The following MSI2 variants were observed in gnomAD, a reference collection of about 807,000 sequenced individuals.
The protein encoded by MSI2 is RNA-binding protein Musashi homolog 2.
In MSI2, 17 loss-of-function variants were observed where a neutral mutation model predicts 45.6. The observed-to-expected ratio is 0.37, with a 90% CI of 0.26 to 0.56. The LOEUF (loss-of-function observed/expected upper bound fraction) is 0.56, where lower values mean the gene tolerates loss of function less well. MSI2 is among the 20% of genes least tolerant of loss of function. The pLI is 0.77. For synonymous variants in MSI2, 156 were observed against 158.2 expected, an observed-to-expected ratio of 0.99 and a Z score of 0.11; for missense variants, 293 against 444.2, an observed-to-expected ratio of 0.66 and a Z score of 3.06.
intron 5 of MSI2, among the ~76,000 whole-genome samples, chr17:57,387,075 T>G (rs762969222): frequency 1.2e-4 from 19 of 152,210 alleles, no homozygotes; most frequent in Non-Finnish European, 2.6e-4. Context: ...ATGTTCCGGC[T>G]GACAGCTACA....
chr17:57,420,571 A>G (rs778967290), intron 6 of MSI2, among the ~76,000 whole-genome samples: 19 of 152,138 alleles, frequency 1.2e-4, no homozygotes, highest in South Asian at 6.2e-4. Context: ...GTACTTTCCC[A>G]GCCTGAATTA....
At chr17:57,575,526 G>C (rs1472683811) in intron 7 of MSI2, among the ~76,000 whole-genome samples, 1 of 152,138 alleles carries the variant, frequency 6.6e-6, no homozygotes, top group African/African-American at 2.4e-5. Context: ...GCTTTGTTTG[G>C]CCAGGCCTGA....
At chr17:57,302,672 T>C (rs1314243767) in intron 5 of MSI2, among the ~76,000 whole-genome samples, 12 of 152,058 alleles carry the variant, frequency 7.9e-5, no homozygotes. Flanking sequence ...ATTTTGGGAG[T>C]GTCTATTAGC....
chr17:57,256,538 G>C lies in MSI2; in HGVS notation c.-205G>C. The C allele has an allele frequency of 3.1e-6, 1 of 325,814 alleles. No individual in the cohort carries two copies. The highest frequency in any genetic ancestry group is 5.5e-6 in the Non-Finnish European group (1 of 181,546). The allele number at this position is 325,814 out of a possible 1,614,324, so 20.2% of individuals were successfully genotyped here. ...ACGGGGGGGTGTGCGAGGCAGCGGG[G>C]CTGAGCTAAGCCGAGCCCACGTGTG... On this transcript the variant is annotated 5_prime_UTR_variant, in exon 1 of 14. Coordinates refer to ENST00000284073, the MANE Select transcript of MSI2 (RefSeq NM_138962.4).
intron 6 of MSI2, among the ~76,000 whole-genome samples, chr17:57,419,069 C>A (rs754917305): frequency 1.3e-5 from 2 of 152,046 alleles, no homozygotes; most frequent in Non-Finnish European, 2.9e-5. Flanking sequence ...ACAAATTAGT[C>A]CAAGGCAGGT....
At chr17:57,566,983 C>T (rs952209581) in intron 7 of MSI2, among the ~76,000 whole-genome samples, 1 of 152,172 alleles carries the variant, frequency 6.6e-6, no homozygotes, top group Admixed American at 6.5e-5. Context: ...ATGAGTCTTC[C>T]TATCCGTGCC....
At chr17:57,595,983 C>T (rs1905213619) in intron 7 of MSI2, among the ~76,000 whole-genome samples, 1 of 152,240 alleles carries the variant, frequency 6.6e-6, no homozygotes, top group Admixed American at 6.5e-5. Flanking sequence ...GCCTGTGCTC[C>T]CTCGCCATGT....
intron 10 of MSI2, chr17:57,628,036 T>G (rs1164639461): frequency 3.3e-5 from 5 of 152,464 alleles, no homozygotes; most frequent in African/African-American, 1.2e-4. Flanking sequence ...GGAAGCGATG[T>G]TTTACAGGGT....
At chr17:57,585,832 CTG>C (rs2144392791) in intron 7 of MSI2, among the ~76,000 whole-genome samples, 1 of 152,374 alleles carries the variant, frequency 6.6e-6, no homozygotes, top group African/African-American at 2.4e-5. Context: ...GCCCCGGGCT[CTG>C]TGGTTTCCAG....
intron 5 of MSI2, among the ~76,000 whole-genome samples, chr17:57,305,797 C>T (rs1911831505): frequency 6.6e-6 from 1 of 152,098 alleles, no homozygotes; most frequent in Non-Finnish European, 1.5e-5. Flanking sequence ...TCCCTTTATC[C>T]TTTTCTTCCG....
At chr17:57,286,166 T>A (rs1415279710) in intron 5 of MSI2, among the ~76,000 whole-genome samples, 1 of 152,158 alleles carries the variant, frequency 6.6e-6, no homozygotes, top group Non-Finnish European at 1.5e-5. Flanking sequence ...AATTTTCATG[T>A]GGGGCGACAG....
chr17:57,618,344 T>G (rs1222846425), intron 9 of MSI2: 2 of 152,080 alleles, frequency 1.3e-5, no homozygotes, highest in African/African-American at 4.8e-5. Context: ...ATCGTGCCTG[T>G]GAGTACCCAC....
At chr17:57,446,600 CA>C (rs1412690136) in intron 6 of MSI2, among the ~76,000 whole-genome samples, 1 of 152,126 alleles carries the variant, frequency 6.6e-6, no homozygotes, top group African/African-American at 2.4e-5. Flanking sequence ...TGAGGGACAC[CA>C]GTTGGAGAAA....
chr17:57,361,098 T>C (rs1916779979), intron 5 of MSI2, among the ~76,000 whole-genome samples: 1 of 152,182 alleles, frequency 6.6e-6, no homozygotes, highest in African/African-American at 2.4e-5. Flanking sequence ...GCACAGTTAA[T>C]ATGTTGTTGA....
intron 6 of MSI2, among the ~76,000 whole-genome samples, chr17:57,446,366 A>T (rs185619532): frequency 1.1e-4 from 17 of 152,256 alleles, no homozygotes; most frequent in African/African-American, 3.6e-4. Flanking sequence ...GGACCAGATC[A>T]TGGGGCTCTG....
intron 5 of MSI2, among the ~76,000 whole-genome samples, chr17:57,354,015 A>G (rs1916236787): frequency 6.6e-6 from 1 of 152,220 alleles, no homozygotes; most frequent in South Asian, 2.1e-4. Flanking sequence ...AATTCAAAAT[A>G]TAATGACAAT....
chr17:57,278,175 G>C (rs1909044497), intron 5 of MSI2: 2 of 152,468 alleles, frequency 1.3e-5, no homozygotes, highest in Non-Finnish European at 2.9e-5. Flanking sequence ...TCCAGCCTGG[G>C]CAACAGAGCA....
At chr17:57,511,089 A>G (rs1270526384) in intron 6 of MSI2, among the ~76,000 whole-genome samples, 1 of 152,184 alleles carries the variant, frequency 6.6e-6, no homozygotes, top group Non-Finnish European at 1.5e-5. Context: ...ACATCCAGGC[A>G]GGGACAGCGA....
chr17:57,311,292 C>T (rs1912379289), intron 5 of MSI2, among the ~76,000 whole-genome samples: 1 of 152,208 alleles, frequency 6.6e-6, no homozygotes, highest in Admixed American at 6.5e-5. Flanking sequence ...GGTGCTGGGT[C>T]TTTCTTGGAC....
Sources: gnomAD v4.1 joint callset for allele counts (sites outside exome capture counted in the v4.1 genomes callset) on GRCh38, gnomAD v4.1.1 for gene constraint, MANE v1.5 for transcripts, NCBI Gene and HGNC (gene_info 2026-07-23, HGNC 2026-07-21) for gene names.